The following CCNJL variants were observed in gnomAD, a reference collection of about 807,000 sequenced individuals.
The protein encoded by CCNJL is cyclin-J-like protein.
A neutral mutation model predicts 33.4 loss-of-function variants in CCNJL; 33 were observed. The observed-to-expected ratio is 0.99, with a 90% confidence interval of 0.75 to 1.32. CCNJL has a LOEUF of 1.32. Ranked by LOEUF, CCNJL falls within the 40% of genes most tolerant of loss-of-function variation. The pLI is 0.00. For synonymous variants in CCNJL, 227 were observed against 220.9 expected, an observed-to-expected ratio of 1.03 and a Z score of -0.24; for missense variants, 512 against 499.7, an observed-to-expected ratio of 1.02 and a Z score of -0.23.
chr5:160,265,447 C>T (rs1346633195), intron 3 of CCNJL, among the ~76,000 whole-genome samples: 2 of 152,090 alleles, frequency 1.3e-5, no homozygotes, highest in Admixed American at 6.6e-5. Context: ...ACCAGCCTGT[C>T]CAATATAGTG....
chr5:160,337,570 A>G (rs1162339331), intron 1 of CCNJL, among the ~76,000 whole-genome samples: 2 of 151,856 alleles, frequency 1.3e-5, no homozygotes, highest in Non-Finnish European at 2.9e-5. Context: ...TCTTCCTGTT[A>G]CTCTGCTCCT....
chr5:160,312,872 C>T (rs1763323939), upstream of CCNJL: 1 of 152,172 alleles, frequency 6.6e-6, no homozygotes, highest in Non-Finnish European at 1.5e-5. Flanking sequence ...AAAGTTCTGC[C>T]TTCCGCGCGC....
At chr5:160,291,036 T>TAAAAAAAAAAAA (rs1177369719) in intron 2 of CCNJL, among the ~76,000 whole-genome samples, 10 of 57,526 alleles carry the variant, frequency 1.7e-4, no homozygotes, top group African/African-American at 3.4e-4. Context: ...CGTCTTTACT[T>TAAAAAAAAAAAA]AAAAAAAAAA....
intron 5 of CCNJL, chr5:160,254,791 A>T (rs1272352851): frequency 6.4e-6 from 1 of 155,522 alleles, no homozygotes; most frequent in African/African-American, 2.4e-5. Context: ...ATCTTCTCTG[A>T]CACACTGAAC....
At chr5:160,277,123 A>C (rs887359907) in intron 3 of CCNJL, among the ~76,000 whole-genome samples, 2 of 151,984 alleles carry the variant, frequency 1.3e-5, no homozygotes, top group Non-Finnish European at 2.9e-5. Flanking sequence ...AAACAAACAA[A>C]CAACAACAAC....
chr5:160,268,892 G>C (rs752559938), intron 3 of CCNJL, among the ~76,000 whole-genome samples: 9 of 152,128 alleles, frequency 5.9e-5, no homozygotes, highest in Non-Finnish European at 1.2e-4. Flanking sequence ...TCAAGAAAAA[G>C]CTCTCTTCTT....
intron 3 of CCNJL, among the ~76,000 whole-genome samples, chr5:160,270,752 A>G (rs150159538): frequency 0.01 from 1,540 of 152,288 alleles, 26 homozygotes; most frequent in African/African-American, 0.034. Context: ...GGTTTTCTAC[A>G]GGAACAAATA....
intron 1 of CCNJL, among the ~76,000 whole-genome samples, chr5:160,325,536 T>C (rs1166725932): frequency 1.3e-5 from 2 of 152,206 alleles, no homozygotes; most frequent in Non-Finnish European, 2.9e-5. Flanking sequence ...TCTCCTCCAT[T>C]AAGCCATTAG....
chr5:160,298,935 T>A (rs1762833276), intron 2 of CCNJL, among the ~76,000 whole-genome samples: 1 of 152,118 alleles, frequency 6.6e-6, no homozygotes, highest in Non-Finnish European at 1.5e-5. Flanking sequence ...TAGGGGACCA[T>A]TGGAGAGTAA....
intron 5 of CCNJL, chr5:160,254,456 C>T: frequency 2.0e-6 from 1 of 496,744 alleles, no homozygotes; most frequent in South Asian, 3.4e-5. Flanking sequence ...TGGGGACCTT[C>T]TCAAAAACAC....
intron 3 of CCNJL, among the ~76,000 whole-genome samples, chr5:160,277,372 G>A (rs1448376771): frequency 1.3e-5 from 2 of 152,230 alleles, no homozygotes; most frequent in Non-Finnish European, 2.9e-5. Flanking sequence ...CCTGGAAGTT[G>A]TGGGATTTCC....
At chr5:160,279,461 G>A (rs2113346043) in intron 3 of CCNJL, among the ~76,000 whole-genome samples, 1 of 152,302 alleles carries the variant, frequency 6.6e-6, no homozygotes, top group Admixed American at 6.5e-5. Flanking sequence ...TGATTACACA[G>A]ATTATTTTTG....
chr5:160,326,816 T>C lies in CCNJL; in HGVS notation n.207-11311A>G, dbSNP rs991747054. 26 of 819,086 alleles carry C rather than the reference T, an allele frequency of 3.2e-5. No homozygotes were observed. The African/African-American group carries it at 4.5e-4, about 14-fold the overall frequency. 50.7% of individuals were successfully genotyped at this position (819,086 alleles called of 1,614,324 possible). A position where few individuals can be genotyped will look rare whatever the true frequency, so the allele number is the denominator to read the frequency against. On this transcript the variant is annotated intron_variant and non_coding_transcript_variant, in intron 1 of 7. Transcript: ENST00000377503. ...GTGTGGCTCTATGAGCAAGTGAATA[T>C]GCGGATAGAAGGCTGTATCATTAGT...
At chr5:160,272,850 A>G (rs1314527339) in intron 3 of CCNJL, among the ~76,000 whole-genome samples, 1 of 152,246 alleles carries the variant, frequency 6.6e-6, no homozygotes, top group Non-Finnish European at 1.5e-5. Context: ...TATCTTACAG[A>G]CAGACTCATG....
At chr5:160,278,624 T>A (rs1697654052) in intron 3 of CCNJL, among the ~76,000 whole-genome samples, 1 of 152,076 alleles carries the variant, frequency 6.6e-6, no homozygotes, top group African/African-American at 2.4e-5. Context: ...GTCTGAAACG[T>A]CCCCTCTCTC....
intron 1 of CCNJL, among the ~76,000 whole-genome samples, chr5:160,321,012 C>CTCTCTT (rs1561812740): frequency 5.6e-4 from 40 of 71,980 alleles, no homozygotes; most frequent in East Asian, 1.2e-3. Flanking sequence ...CTCTCTCTCT[C>CTCTCTT]TCTTTCTTTC....
intron 4 of CCNJL, among the ~76,000 whole-genome samples, chr5:160,255,992 G>GATCCT (rs1761047870): frequency 6.6e-6 from 1 of 152,198 alleles, no homozygotes; most frequent in East Asian, 1.9e-4. Context: ...AGGCCCAAGA[G>GATCCT]ATCCTACTAC....
intron 2 of CCNJL, among the ~76,000 whole-genome samples, chr5:160,307,401 GT>G (rs2113447413): frequency 6.6e-6 from 1 of 152,252 alleles, no homozygotes; most frequent in South Asian, 2.1e-4. Flanking sequence ...GACAAGGAAC[GT>G]GGCCCTCAAG....
At chr5:160,300,799 A>G (rs1292683984) in intron 2 of CCNJL, among the ~76,000 whole-genome samples, 1 of 152,200 alleles carries the variant, frequency 6.6e-6, no homozygotes, top group African/African-American at 2.4e-5. Context: ...AGGTGGGACT[A>G]CAGGTGCATG....
Sources: allele counts gnomAD v4.1 joint callset (sites outside exome capture counted in the v4.1 genomes callset), GRCh38; gene constraint gnomAD v4.1.1; transcripts MANE v1.5; gene names NCBI Gene and HGNC (gene_info 2026-07-23, HGNC 2026-07-21).